Variants in TRIML1 observed in about 807,000 individuals in gnomAD.
TRIML1 encodes probable E3 ubiquitin-protein ligase TRIML1.
TRIML1 carries 34 observed loss-of-function variants against 32.3 expected under a neutral mutation model. The ratio of observed to expected loss-of-function variants is 1.05; its 90% CI spans 0.80 to 1.40. TRIML1 has a LOEUF of 1.40. Ranked by LOEUF, TRIML1 falls within the 40% of genes most tolerant of loss-of-function variation. TRIML1 has a pLI of 0.00. For missense variants in TRIML1, 595 were observed against 574.9 expected (o/e 1.03, Z -0.36); for synonymous variants, 244 against 226.6 (o/e 1.08, Z -0.69).
intron 2 of TRIML1, among the ~76,000 whole-genome samples, chr4:188,141,571 A>T (rs952217735): frequency 9.9e-5 from 15 of 152,124 alleles, no homozygotes; most frequent in African/African-American, 3.6e-4. Context: ...GAATAAATGA[A>T]CACACATTTT....
chr4:188,146,781 AAGC>A, intron 5 of TRIML1, 38 bp from the exon 6 acceptor site: 2 of 1,324,322 alleles, frequency 1.5e-6, no homozygotes. Flanking sequence ...GAGGTTTTTC[AAGC>A]ATGCCCAAGG....
upstream of TRIML1, among the ~76,000 whole-genome samples, chr4:188,137,862 C>T (rs1174887151): frequency 6.6e-6 from 1 of 151,838 alleles, no homozygotes; most frequent in East Asian, 1.9e-4. Context: ...ATCCACCCAC[C>T]TCGGCCTCCC....
At chr4:188,144,534 T>G (rs1247972539) in intron 5 of TRIML1, among the ~76,000 whole-genome samples, 1 of 139,536 alleles carries the variant, frequency 7.2e-6, no homozygotes. Context: ...GGGTAATTTT[T>G]TGTATTTTTA....
intron 4 of TRIML1, 28 bp from the exon 5 acceptor site, chr4:188,144,008 A>T: frequency 6.2e-7 from 1 of 1,612,538 alleles, no homozygotes; most frequent in Non-Finnish European, 8.5e-7. Context: ...GTCTGTGCCG[A>T]GGAGTGAACC....
At chr4:188,138,835 GGTGA>G (rs1734744502), upstream of TRIML1, among the ~76,000 whole-genome samples, 5 of 152,186 alleles carry the variant, frequency 3.3e-5, no homozygotes, top group South Asian at 8.3e-4. Flanking sequence ...ATGGCAGATG[GGTGA>G]GTACTAGGGT....
chr4:188,143,995 G>T (rs753222338), intron 4 of TRIML1, 41 bp from the exon 5 acceptor site: 5 of 1,609,828 alleles, frequency 3.1e-6, no homozygotes, highest in Non-Finnish European at 4.3e-6. Context: ...AGCAGGTCAC[G>T]CGGTCTGTGC....
upstream of TRIML1, among the ~76,000 whole-genome samples, chr4:188,137,447 C>T (rs1487769041): frequency 8.1e-5 from 12 of 148,214 alleles, no homozygotes; most frequent in African/African-American, 2.5e-4. Context: ...GGATTACAGG[C>T]GTGCAACACC....
rs142567043 is a variant in TRIML1, at chr4:188,143,833, C to G, written c.736-5C>G. 3.1e-6 allele frequency: 5 copies of G among 1,614,060 alleles called. No individual in the cohort carries two copies. The highest frequency in any genetic ancestry group is 1.3e-5 in the African/African-American group (1 of 75,026). ...CATGCTAACTTCTTTCTTTTTTACCCGTAGGAAGTGAGAGGAGCCCTGGAA... is the reference window on the plus strand; with the variant it reads ...CATGCTAACTTCTTTCTTTTTTACCGGTAGGAAGTGAGAGGAGCCCTGGAA... On this transcript the variant is annotated splice_region_variant and splice_polypyrimidine_tract_variant and intron_variant, in intron 3 of 5. Transcript: ENST00000332517.
Position 188,139,493 on chromosome 4 carries a change from G to A in TRIML1, c.-66G>A. On this transcript the variant is annotated 5_prime_UTR_variant, in exon 1 of 6. Transcript: ENST00000332517. The stretch of plus-strand genomic sequence containing the variant: ...CGCGTGTTACTCAAAACTGTAGGAC[G>A]GCAGTGAGGGCTTTGCTAATCCCAG... The A allele has an allele frequency of 1.4e-6, 2 of 1,480,362 alleles. No individual in the cohort carries two copies. Among genetic ancestry groups the A allele is most frequent in the South Asian group, 1.4e-5 (1 of 73,574 alleles). 91.7% of individuals were successfully genotyped at this position (1,480,362 alleles called of 1,614,324 possible). A position where few individuals can be genotyped will look rare whatever the true frequency, so the allele number is the denominator to read the frequency against.
intron 2 of TRIML1, 144 bp from the exon 3 acceptor site, chr4:188,142,108 T>C (rs1463302613): frequency 8.8e-6 from 5 of 569,862 alleles, no homozygotes; most frequent in Non-Finnish European, 1.4e-5. Context: ...AGAGTGAGAC[T>C]CCATCTCAAA....
At chr4:188,149,329 G>C (rs1275785316), downstream of TRIML1, among the ~76,000 whole-genome samples, 1 of 152,070 alleles carries the variant, frequency 6.6e-6, no homozygotes, top group Non-Finnish European at 1.5e-5. Context: ...ATTGTCCTAA[G>C]GCAGGCAAGA....
chr4:188,140,069 C>T (rs13131409), intron 1 of TRIML1, 103 bp downstream of exon 1: 560,062 of 1,217,956 alleles, frequency 0.46, 137,469 homozygotes, highest in Non-Finnish European at 0.51. Flanking sequence ...TCACGAGGGC[C>T]CATCTGAGCA....
upstream of TRIML1, among the ~76,000 whole-genome samples, chr4:188,137,295 C>CTTTT (rs67050879): frequency 1.8e-3 from 105 of 58,758 alleles, 3 homozygotes; most frequent in African/African-American, 4.8e-3. Context: ...TTATTGTAGT[C>CTTTT]TTTTTTTTTT....
chr4:188,148,903 T>G (rs1237233448), downstream of TRIML1, among the ~76,000 whole-genome samples: 1 of 52,572 alleles, frequency 1.9e-5, no homozygotes, highest in Non-Finnish European at 4.0e-5. Flanking sequence ...TGCCCAGGCT[T>G]TTTTTTTTTT....
upstream of TRIML1, among the ~76,000 whole-genome samples, chr4:188,137,376 C>T (rs1376738694): frequency 7.0e-6 from 1 of 142,446 alleles, no homozygotes; most frequent in Non-Finnish European, 1.5e-5. Flanking sequence ...GATCTTGGCT[C>T]ACTGCAACCT....
chr4:188,147,307 T>C lies in TRIML1; in HGVS notation c.1342T>C (p.Cys448Arg). The C allele has an allele frequency of 6.5e-7, 1 of 1,536,910 alleles. No individual in the cohort carries two copies. Among genetic ancestry groups the C allele is most frequent in the Non-Finnish European group, 8.7e-7 (1 of 1,144,064 alleles). ...QEALRPIFSP[C>R]LPNEGTNTDP... ...GGCCCTCAGGCCTATCTTTTCCCCC[T>C]GCCTCCCAAATGAGGGGACAAACAC... Residue 448 changes from cysteine (C) to arginine (R), a missense_variant, in exon 6 of 6, where the codon TGC becomes CGC. By Grantham distance (180) the Cys-to-Arg change is radical. Transcript: ENST00000332517.
intron 2 of TRIML1, among the ~76,000 whole-genome samples, chr4:188,141,092 G>T (rs1200388966): frequency 6.6e-6 from 1 of 151,380 alleles, no homozygotes; most frequent in Non-Finnish European, 1.5e-5. Context: ...AGCAGTCAAA[G>T]CAAAGGACTA....
chr4:188,147,105 T>C lies in TRIML1; in HGVS notation c.1140T>C (p.Gly380=), dbSNP rs750391647. ...KPPGDLFSLI[G]LKIGDDYSLW... ...CTGGGGACCTGTTCTCACTAATAGG[T>C]TTAAAAATCGGAGATGATTACAGCC... The change falls in exon 6 of 6, where the codon GGT becomes GGC. Residue 380 remains glycine (G), a synonymous_variant. Transcript: ENST00000332517. The C allele has an allele frequency of 1.3e-5, 21 of 1,613,800 alleles. No individual in the cohort carries two copies. The Middle Eastern group carries it at 4.9e-4, about 38-fold the overall frequency.
chr4:188,146,556 C>T (rs958393694), intron 5 of TRIML1, among the ~76,000 whole-genome samples: 3 of 152,122 alleles, frequency 2.0e-5, no homozygotes, highest in Non-Finnish European at 2.9e-5. Context: ...ATTACAAGCA[C>T]GTGCCACCAT....
Sources: allele counts gnomAD v4.1 joint callset (sites outside exome capture counted in the v4.1 genomes callset), GRCh38; gene constraint gnomAD v4.1.1; transcripts MANE v1.5; gene names NCBI Gene and HGNC (gene_info 2026-07-23, HGNC 2026-07-21).